The following CAP2 variants were observed in gnomAD, a reference collection of about 807,000 sequenced individuals.
CAP2 encodes the protein adenylyl cyclase-associated protein 2.
A neutral mutation model predicts 57.7 loss-of-function variants in CAP2; 24 were observed. The observed-to-expected ratio is 0.42, with a 90% CI of 0.30 to 0.58. The LOEUF is 0.58. CAP2 is among the 20% of genes least tolerant of loss of function. The pLI is 0.22. For synonymous variants in CAP2, 194 were observed against 207.2 expected (o/e 0.94, Z 0.55); for missense variants, 501 against 590.3 (o/e 0.85, Z 1.57).
At chr6:17,536,791 A>G (rs953964679) in intron 7 of CAP2, among the ~76,000 whole-genome samples, 1 of 152,216 alleles carries the variant, frequency 6.6e-6, no homozygotes, top group African/African-American at 2.4e-5. Context: ...TGATGTGCTT[A>G]TGAGTAAAAG....
Position 17,557,284 on chromosome 6 carries a change from T to C in CAP2, c.*842T>C, listed in dbSNP as rs1044872083. 3 of 152,186 alleles carry C rather than the reference T, an allele frequency of 2.0e-5. No individual in the cohort carries two copies. Among genetic ancestry groups the C allele is most frequent in the Admixed American group, 6.5e-5 (1 of 15,274 alleles). The allele number at this position is 152,186 out of a possible 1,614,324, so 9.4% of individuals were successfully genotyped here. On this transcript the variant is annotated 3_prime_UTR_variant, in exon 13 of 13. Transcript: ENST00000229922. Reference sequence around the variant, plus strand: ...TGCCTTGTAAATTATGTCTTTAACGTTTTCTTATAGACTAATTTCCTCTTT... The same window carrying C: ...TGCCTTGTAAATTATGTCTTTAACGCTTTCTTATAGACTAATTTCCTCTTT...
At chr6:17,524,072 C>G (rs1254930004) in intron 7 of CAP2, among the ~76,000 whole-genome samples, 1 of 106,832 alleles carries the variant, frequency 9.4e-6, no homozygotes, top group African/African-American at 4.6e-5. Context: ...AAGACTCTGT[C>G]TCAAAAAAAA....
chr6:17,556,514 C>CTAGAA lies in CAP2; in HGVS notation c.*73_*77dup. On this transcript the variant is annotated 3_prime_UTR_variant, in exon 13 of 13. Transcript: ENST00000229922. Reference sequence around the variant, plus strand: ...CAAACAAAAAAGCAGCAGTAAAGAGCTAGAAGTTGCAGTAGCCCCTACTGC... The same window carrying CTAGAA: ...CAAACAAAAAAGCAGCAGTAAAGAGCTAGAATAGAAGTTGCAGTAGCCCCTACTGC... 1 of 1,096,348 alleles carries CTAGAA rather than the reference C, an allele frequency of 9.1e-7. No individual in the cohort carries two copies. The highest frequency in any genetic ancestry group is 1.4e-6 in the Non-Finnish European group (1 of 709,468). 67.9% of individuals were successfully genotyped at this position (1,096,348 alleles called of 1,614,324 possible).
At chr6:17,551,752 C>T (rs1763176087) in intron 12 of CAP2, 148 bp downstream of exon 12, 2 of 610,534 alleles carry the variant, frequency 3.3e-6, no homozygotes, top group East Asian at 5.5e-5. Flanking sequence ...CTGTCTTCCA[C>T]ATCTCTTCCC....
At chr6:17,522,086 G>A (rs1762405728) in intron 7 of CAP2, among the ~76,000 whole-genome samples, 2 of 151,950 alleles carry the variant, frequency 1.3e-5, no homozygotes, top group Admixed American at 1.3e-4. Context: ...TCTAGCCTGG[G>A]CGACAGAGCA....
At chr6:17,551,820 C>T (rs955794415) in intron 12 of CAP2, among the ~76,000 whole-genome samples, 8 of 152,146 alleles carry the variant, frequency 5.3e-5, no homozygotes, top group Non-Finnish European at 1.0e-4. Context: ...AGGTAGTGTA[C>T]TAATAATTCA....
At chr6:17,463,364 T>A (rs1760781144) in intron 4 of CAP2, among the ~76,000 whole-genome samples, 1 of 152,152 alleles carries the variant, frequency 6.6e-6, no homozygotes, top group South Asian at 2.1e-4. Flanking sequence ...GCCAAATTCT[T>A]ACTGTAACAA....
At chr6:17,532,511 C>T (rs112374492) in intron 7 of CAP2, among the ~76,000 whole-genome samples, 35,371 of 145,854 alleles carry the variant, frequency 0.24, 5,050 homozygotes, top group African/African-American at 0.4. Flanking sequence ...TTTGGGAGGC[C>T]GAGGTGGGTG....
intron 4 of CAP2, among the ~76,000 whole-genome samples, chr6:17,504,454 T>C (rs1314959760): frequency 2.0e-5 from 3 of 152,218 alleles, no homozygotes; most frequent in Admixed American, 1.3e-4. Context: ...CCTAGTCTTA[T>C]TGGTAGAGAA....
intron 1 of CAP2, among the ~76,000 whole-genome samples, chr6:17,409,804 T>C (rs1266547692): frequency 6.6e-6 from 1 of 152,042 alleles, no homozygotes; most frequent in Non-Finnish European, 1.5e-5. Flanking sequence ...ATCTAAGATA[T>C]CCTAGCTTCT....
chr6:17,514,488 G>A (rs1428217343), intron 7 of CAP2, among the ~76,000 whole-genome samples: 1 of 152,088 alleles, frequency 6.6e-6, no homozygotes, highest in Non-Finnish European at 1.5e-5. Context: ...TGGCTCTCAC[G>A]CCTGTAATCC....
At chr6:17,539,187 G>T (rs6919609) in intron 7 of CAP2, 82 bp from the exon 8 acceptor site, 538,912 of 1,271,128 alleles carry the variant, frequency 0.42, 120,913 homozygotes, top group Non-Finnish European at 0.46. Flanking sequence ...CTCATTGGCA[G>T]CAGGTTTCGA....
intron 3 of CAP2, among the ~76,000 whole-genome samples, chr6:17,429,385 T>TTATAA (rs1227952113): frequency 1.9e-3 from 288 of 152,322 alleles, no homozygotes; most frequent in African/African-American, 6.1e-3. Context: ...ATTAGGAGTA[T>TTATAA]CTCAAAAATT....
intron 4 of CAP2, among the ~76,000 whole-genome samples, chr6:17,489,084 T>C (rs1016444386): frequency 4.6e-5 from 7 of 152,236 alleles, no homozygotes; most frequent in Admixed American, 4.6e-4. Context: ...CAAACTAACT[T>C]TCCTTCCAAA....
chr6:17,475,894 T>G (rs562719685), intron 4 of CAP2, among the ~76,000 whole-genome samples: 3 of 152,390 alleles, frequency 2.0e-5, no homozygotes, highest in African/African-American at 7.2e-5. Flanking sequence ...ATCCTGTCTC[T>G]GTGCAGATGG....
chr6:17,517,928 G>C (rs1762307038), intron 7 of CAP2, among the ~76,000 whole-genome samples: 1 of 150,862 alleles, frequency 6.6e-6, no homozygotes, highest in South Asian at 2.1e-4. Context: ...TAAATAAATA[G>C]TTATAAAACG....
At chr6:17,416,543 G>A (rs1236437443) in intron 1 of CAP2, among the ~76,000 whole-genome samples, 1 of 152,158 alleles carries the variant, frequency 6.6e-6, no homozygotes, top group Non-Finnish European at 1.5e-5. Context: ...ACGCATGCAG[G>A]TGGTAGTGAG....
chr6:17,429,260 G>A (rs1213185662), intron 3 of CAP2, among the ~76,000 whole-genome samples: 1 of 152,208 alleles, frequency 6.6e-6, no homozygotes, highest in African/African-American at 2.4e-5. Flanking sequence ...AGATGCTTGA[G>A]TGATTGATGA....
intron 3 of CAP2, among the ~76,000 whole-genome samples, chr6:17,427,133 A>T (rs1039175645): frequency 4.6e-5 from 7 of 152,194 alleles, no homozygotes; most frequent in African/African-American, 1.4e-4. Context: ...GGAGAGAGGT[A>T]GTGAGCTGTG....
Sources: allele counts gnomAD v4.1 joint callset (sites outside exome capture counted in the v4.1 genomes callset), GRCh38; gene constraint gnomAD v4.1.1; transcripts MANE v1.5; gene names NCBI Gene and HGNC (gene_info 2026-07-23, HGNC 2026-07-21).